Variants in NYAP2 observed in about 807,000 individuals in gnomAD.
The protein encoded by NYAP2 is neuronal tyrosine-phosphorylated phosphoinositide-3-kinase adaptor 2, also known as neuronal tyrosine-phosphorylated phosphoinositide-3-kinase adapter 2.
In NYAP2, 23 loss-of-function variants were observed where a neutral mutation model predicts 50.4. The ratio of observed to expected loss-of-function variants is 0.46; its 90% CI spans 0.33 to 0.65. NYAP2 has a LOEUF of 0.65. Among genes scored for constraint, NYAP2 ranks in the 30% least tolerant of loss-of-function variants. The pLI, the probability that NYAP2 is intolerant of heterozygous loss-of-function variation, is 0.02. For missense variants in NYAP2, 885 were observed against 861.0 expected (o/e 1.03, Z -0.35); for synonymous variants, 394 against 365.2 (o/e 1.08, Z -0.90).
intron 3 of NYAP2, among the ~76,000 whole-genome samples, chr2:225,512,095 G>T (rs1053285022): frequency 6.6e-6 from 1 of 152,124 alleles, no homozygotes; most frequent in Non-Finnish European, 1.5e-5. Flanking sequence ...TCACATTTGT[G>T]TCCCTTCTTT....
In NYAP2 at chr2:225,525,203, C is replaced by T. The variant is rs1481085407; in HGVS notation, c.523+11531C>T. 2.6e-5 allele frequency among the ~76,000 whole-genome samples: 4 copies of T among 152,182 alleles called. No homozygotes were observed. In the South Asian group the frequency reaches 6.2e-4, roughly 24 times the overall value. On this transcript the variant is annotated intron_variant, in intron 4 of 6. Coordinates refer to ENST00000636099, the Ensembl canonical transcript of NYAP2. ...TCTTAAAGAAGTAAAACTAGAACTG[C>T]CGTTTGATGCTGCAATCTCACTACT...
chr2:225,697,400 A>T, the NYAP2 span, among the ~76,000 whole-genome samples: 2 of 152,052 alleles, frequency 1.3e-5, no homozygotes, highest in African/African-American at 2.4e-5. Flanking sequence ...TTGCCGAAGC[A>T]TCAAAAACTA....
chr2:225,534,174 G>A (rs888509095), intron 4 of NYAP2, among the ~76,000 whole-genome samples: 28 of 152,138 alleles, frequency 1.8e-4, no homozygotes, highest in Admixed American at 1.4e-3. Flanking sequence ...GAAATATTGC[G>A]TCTGAAGGCC....
intron 4 of NYAP2, among the ~76,000 whole-genome samples, chr2:225,574,077 C>A (rs1008429310): frequency 1.3e-5 from 2 of 152,110 alleles, no homozygotes; most frequent in African/African-American, 4.8e-5. Flanking sequence ...CATGACATGG[C>A]AATATCAGAT....
intron 3 of NYAP2, among the ~76,000 whole-genome samples, chr2:225,443,348 T>C (rs1689500867): frequency 6.6e-6 from 1 of 152,202 alleles, no homozygotes. Flanking sequence ...CCTACTAAGA[T>C]ACTTAAACAC....
chr2:225,499,809 A>G (rs1230145671), intron 3 of NYAP2, among the ~76,000 whole-genome samples: 2 of 152,198 alleles, frequency 1.3e-5, no homozygotes, highest in Non-Finnish European at 2.9e-5. Context: ...ATTAAAGATG[A>G]ATGAATGATT....
chr2:225,682,524 T>C, the NYAP2 span, among the ~76,000 whole-genome samples: 1 of 152,206 alleles, frequency 6.6e-6, no homozygotes, highest in African/African-American at 2.4e-5. Flanking sequence ...CCCTTACTTG[T>C]ATTTTATTTC....
At chr2:225,481,974 T>G (rs906735052) in intron 3 of NYAP2, among the ~76,000 whole-genome samples, 1 of 152,008 alleles carries the variant, frequency 6.6e-6, no homozygotes. Context: ...CAAATAAACA[T>G]GCAATGGCAA....
chr2:225,628,075 A>G (rs1027709372), intron 6 of NYAP2, among the ~76,000 whole-genome samples: 19 of 152,120 alleles, frequency 1.2e-4, no homozygotes, highest in Admixed American at 3.9e-4. Flanking sequence ...ATATTCCTGG[A>G]ACAATACCCA....
the NYAP2 span, among the ~76,000 whole-genome samples, chr2:225,686,463 C>T: frequency 7.9e-5 from 12 of 152,088 alleles, no homozygotes; most frequent in Non-Finnish European, 1.5e-4. Flanking sequence ...TCAGCTAACA[C>T]TTTCATGTAA....
intron 3 of NYAP2, among the ~76,000 whole-genome samples, chr2:225,470,267 A>G (rs1689992068): frequency 6.6e-6 from 1 of 152,106 alleles, no homozygotes; most frequent in Non-Finnish European, 1.5e-5. Context: ...AATACCATGG[A>G]AAAATCTTGC....
intron 4 of NYAP2, among the ~76,000 whole-genome samples, chr2:225,570,733 C>G (rs1175728364): frequency 5.9e-5 from 9 of 152,084 alleles, no homozygotes; most frequent in Non-Finnish European, 1.2e-4. Flanking sequence ...TATCATTCTG[C>G]CCCCTGGCCC....
chr2:225,485,943 C>A (rs1463729988), intron 3 of NYAP2, among the ~76,000 whole-genome samples: 2 of 152,098 alleles, frequency 1.3e-5, no homozygotes, highest in African/African-American at 4.8e-5. Flanking sequence ...GTAGCCACAC[C>A]CCTCCCCCAG....
Position 225,627,220 on chromosome 2 carries a change from T to C in NYAP2, c.1828+94T>C, listed in dbSNP as rs1448974345. 5.3e-6 allele frequency: 5 copies of C among 950,452 alleles called. No homozygotes were observed. The African/African-American group carries it at 6.5e-5, about 12-fold the overall frequency. 58.9% of individuals were successfully genotyped at this position (950,452 alleles called of 1,614,324 possible). ...ACTTACAGAATTATCACCACAGATA[T>C]CTCTGTCTGCACACAGAGAGGCACC... On this transcript the variant is annotated intron_variant, in intron 6 of 6. Transcript: ENST00000636099.
chr2:225,582,949 T>C lies in NYAP2; in HGVS notation c.1532T>C (p.Leu511Pro). 1 of 1,612,506 alleles carries C rather than the reference T, an allele frequency of 6.2e-7. No individual in the cohort carries two copies. The highest frequency in any genetic ancestry group is 8.5e-7 in the Non-Finnish European group (1 of 1,179,744). ...CGGTCCCGGACACCCACGAGCCCGC[T>C]GGAGGAGCTGACCAGCCTCTTCTCC... The change falls in exon 5 of 7, where the codon CTG (leucine) becomes CCG (proline). Residue 511 changes from leucine to proline, a missense_variant. Leu to Pro is a moderately conservative substitution (Grantham distance 98). Transcript: ENST00000636099. This position sits in a 1 kb window ranked among gnomAD's most constrained non-coding sequence, Gnocchi z 7.0.
chr2:225,684,406 CTT>C, the NYAP2 span, among the ~76,000 whole-genome samples: 49 of 138,702 alleles, frequency 3.5e-4, no homozygotes, highest in Admixed American at 5.8e-4. Flanking sequence ...TTCTCTCTCT[CTT>C]TTTTTTTTTT....
chr2:225,658,321 C>T (rs115430542), downstream of NYAP2, among the ~76,000 whole-genome samples: 3,829 of 152,226 alleles, frequency 0.025, 181 homozygotes, highest in African/African-American at 0.087. Flanking sequence ...GGAACACCCC[C>T]CTAAGTTCAC....
intron 3 of NYAP2, among the ~76,000 whole-genome samples, chr2:225,462,233 G>T (rs773658645): frequency 3.9e-4 from 59 of 152,124 alleles, no homozygotes; most frequent in Non-Finnish European, 7.6e-4. Flanking sequence ...GTACATGGAA[G>T]TGATTGTTAC....
chr2:225,408,827 A>G, intron 2 of NYAP2, 37 bp from the exon 3 acceptor site: 1 of 1,238,886 alleles, frequency 8.1e-7, no homozygotes, highest in Non-Finnish European at 1.2e-6. Flanking sequence ...TTTTTTCCCC[A>G]CCCTGGATAA....
Sources: gnomAD v4.1 joint callset for allele counts (sites outside exome capture counted in the v4.1 genomes callset) on GRCh38, gnomAD v4.1.1 for gene constraint, Gnocchi (gnomAD v3.1) non-coding constraint, MANE v1.5 for transcripts, NCBI Gene and HGNC (gene_info 2026-07-23, HGNC 2026-07-21) for gene names.